GINM1: variants seen among roughly 807,000 people sequenced by gnomAD.
GINM1 encodes the protein glycosylated integral membrane protein 1.
Under a neutral mutation model 37.8 loss-of-function variants are expected in GINM1, and 29 were observed. That is an observed-to-expected ratio of 0.77 (90% confidence interval 0.57 to 1.05). The LOEUF (loss-of-function observed/expected upper bound fraction) is 1.05, where lower values mean the gene tolerates loss of function less well. GINM1 is among the 50% of genes least tolerant of loss of function. The pLI, the probability that GINM1 is intolerant of heterozygous loss-of-function variation, is 0.00. For synonymous variants in GINM1, 143 were observed against 146.2 expected (o/e 0.98, Z 0.16); for missense variants, 377 against 397.9 (o/e 0.95, Z 0.45).
intron 7 of GINM1, among the ~76,000 whole-genome samples, chr6:149,583,962 CGTTTT>C (rs1778035790): frequency 6.6e-6 from 1 of 151,632 alleles, no homozygotes; most frequent in African/African-American, 2.4e-5. Context: ...TTAAATCAGT[CGTTTT>C]ATTTTATTTT....
intron 1 of GINM1, 119 bp from the exon 2 acceptor site, chr6:149,572,166 C>T: frequency 1.9e-6 from 1 of 519,964 alleles, no homozygotes. Flanking sequence ...CTTTTAAACT[C>T]TCTTAATGCT....
chr6:149,589,265 T>G (rs972361377), intron 7 of GINM1, among the ~76,000 whole-genome samples: 1 of 151,502 alleles, frequency 6.6e-6, no homozygotes, highest in Non-Finnish European at 1.5e-5. Flanking sequence ...TTCTTAAAAT[T>G]TATTTATTTA....
chr6:149,566,590 C>A lies in GINM1; in HGVS notation c.120+56C>A, dbSNP rs1777721747. ...TACGACTCCGACTCTCCGGGAGGCCCGGGCTGTCCACAGTGACGCTTCCCA... is the reference window on the plus strand; with the variant it reads ...TACGACTCCGACTCTCCGGGAGGCCAGGGCTGTCCACAGTGACGCTTCCCA... On this transcript the variant is annotated intron_variant, in intron 1 of 7. Transcript: ENST00000367419. This position sits in a 1 kb window ranked among gnomAD's most constrained non-coding sequence, Gnocchi z 4.4. 3 of 1,426,446 alleles carry A rather than the reference C, an allele frequency of 2.1e-6. No homozygotes were observed. Among genetic ancestry groups the A allele is most frequent in the South Asian group, 2.8e-5 (2 of 71,018 alleles). 88.4% of individuals were successfully genotyped at this position (1,426,446 alleles called of 1,614,324 possible).
At chr6:149,584,235 G>A (rs1288653730) in intron 7 of GINM1, among the ~76,000 whole-genome samples, 1 of 151,978 alleles carries the variant, frequency 6.6e-6, no homozygotes, top group Non-Finnish European at 1.5e-5. Context: ...ATCACGTCTC[G>A]GCCTCCCAAA....
Position 149,591,743 on chromosome 6 carries a change from A to G in GINM1, c.*905A>G, listed in dbSNP as rs576735619. On this transcript the variant is annotated 3_prime_UTR_variant, in exon 8 of 8. Coordinates refer to ENST00000367419, the MANE Select transcript of GINM1 (RefSeq NM_138785.5). ...AAACTTTTTTTTTTTTTTTTTGAGG[A>G]AAAAAGTATAGCTGTTTTGGTTACA... 2.8e-3 allele frequency: 402 copies of G among 141,782 alleles called. No homozygotes were observed. The highest frequency in any genetic ancestry group is 9.8e-3 in the African/African-American group (373 of 38,028). The allele number at this position is 141,782 out of a possible 1,614,324, so 8.8% of individuals were successfully genotyped here. A position where few individuals can be genotyped will look rare whatever the true frequency, so the allele number is the denominator to read the frequency against.
chr6:149,587,352 T>G (rs1020188162), intron 7 of GINM1, among the ~76,000 whole-genome samples: 1 of 152,104 alleles, frequency 6.6e-6, no homozygotes, highest in Admixed American at 6.6e-5. Context: ...CAGCGTCAGA[T>G]CCCACAGGCT....
rs754322790 is a variant in GINM1 at position 149,580,660 on chromosome 6, A to G, written c.654A>G (p.Glu218=). Residue 218 remains glutamate, a synonymous_variant, in exon 6 of 8, where the codon GAA becomes GAG. Coordinates refer to ENST00000367419, the MANE Select transcript of GINM1 (RefSeq NM_138785.5). ...LIRNVETTVD[E]DVLPGKLPET... ...GGAATGTGGAAACCACTGTAGATGA[A>G]GATGTTTTACCTGGCAAGTTACCTG... 20 of 1,613,500 alleles carry G rather than the reference A, an allele frequency of 1.2e-5. No individual in the cohort carries two copies. Among genetic ancestry groups the G allele is most frequent in the African/African-American group, 2.7e-5 (2 of 74,912 alleles).
chr6:149,580,319 A>G (rs1274189335), intron 5 of GINM1, among the ~76,000 whole-genome samples: 2 of 152,248 alleles, frequency 1.3e-5, no homozygotes, highest in African/African-American at 2.4e-5. Context: ...AGGTTCATTC[A>G]GAGGAAGAAC....
intron 3 of GINM1, 50 bp downstream of exon 3, chr6:149,572,653 G>C (rs745949133): frequency 1.1e-6 from 1 of 951,708 alleles, no homozygotes. Flanking sequence ...TTGTGTGTTT[G>C]TTGTTGTTGT....
rs1352829276 is a variant in GINM1 at position 149,566,898 on chromosome 6, G to A, written c.120+364G>A. On this transcript the variant is annotated intron_variant, in intron 1 of 7. Transcript: ENST00000367419. This position sits in a 1 kb window ranked among gnomAD's most constrained non-coding sequence, Gnocchi z 4.4. ...TAGAGCCAGCGCTTGGGCAAGGAAT[G>A]TTTGTGTGCTCGGGAAGTGTGGAAG... is the stretch of plus-strand genomic sequence containing the variant. 6.6e-6 allele frequency among the ~76,000 whole-genome samples: 1 copy of A among 152,248 alleles called. No homozygotes were observed. The highest frequency in any genetic ancestry group is 1.5e-5 in the Non-Finnish European group (1 of 68,044).
chr6:149,572,398 T>C, intron 2 of GINM1, 54 bp downstream of exon 2: 2 of 1,347,422 alleles, frequency 1.5e-6, no homozygotes, highest in Non-Finnish European at 2.1e-6. Flanking sequence ...CTATGCAGCT[T>C]ATTTGATTTT....
At chr6:149,580,895 G>C in intron 6 of GINM1, 172 bp downstream of exon 6, 1 of 563,864 alleles carries the variant, frequency 1.8e-6, no homozygotes, top group African/African-American at 1.9e-5. Flanking sequence ...TTTCCTCTTC[G>C]AGCTTTGTTT....
intron 7 of GINM1, among the ~76,000 whole-genome samples, chr6:149,588,914 A>C (rs1306521967): frequency 6.6e-6 from 1 of 151,674 alleles, no homozygotes; most frequent in East Asian, 1.9e-4. Flanking sequence ...AGCAATTCTC[A>C]TGCCTCAGCC....
At chr6:149,588,759 C>T (rs1045661636) in intron 7 of GINM1, among the ~76,000 whole-genome samples, 1 of 152,086 alleles carries the variant, frequency 6.6e-6, no homozygotes, top group African/African-American at 2.4e-5. Flanking sequence ...TCCCAAGTAG[C>T]TGGGACTACA....
Position 149,576,791 on chromosome 6 carries a change from T to C in GINM1, c.278-2031T>C, listed in dbSNP as rs989707981. On this transcript the variant is annotated intron_variant, in intron 3 of 7. Coordinates refer to ENST00000367419, the MANE Select transcript of GINM1 (RefSeq NM_138785.5). ...ATGAAGGGCTTTGTTGTTTTTTATT[T>C]AATTTTATGCTGTATTAGAGGTACT... is the stretch of plus-strand genomic sequence containing the variant. Among the ~76,000 whole-genome samples, 3 of 152,316 alleles carry C rather than the reference T, an allele frequency of 2.0e-5. No homozygotes were observed. The South Asian group carries it at 6.2e-4, about 32-fold the overall frequency.
At position 149,578,893 on chromosome 6, in the gene GINM1, C is replaced by A; in HGVS notation, c.349C>A (p.His117Asn). The part of the protein sequence containing the change: ...FGIVSVRILV[H>N]EWPMTSGSSL... ...AATTGTCAGTGTAAGGATTTTAGTT[C>A]ATGAGTGGCCTATGACATCTGGTTC... The change falls in exon 4 of 8, where the codon CAT becomes AAT. Residue 117 changes from histidine (H) to asparagine (N), a missense_variant. Physicochemically the swap from His to Asn is moderately conservative, Grantham distance 68. Transcript: ENST00000367419. The A allele has an allele frequency of 6.2e-7, 1 of 1,600,158 alleles. No homozygotes were observed. Among genetic ancestry groups the A allele is most frequent in the Non-Finnish European group, 8.6e-7 (1 of 1,168,306 alleles).
chr6:149,582,398 G>T, intron 6 of GINM1, 42 bp from the exon 7 acceptor site: 1 of 1,528,616 alleles, frequency 6.5e-7, no homozygotes, highest in Non-Finnish European at 8.9e-7. Flanking sequence ...TATTCTTAGA[G>T]ATTGATGCAA....
At position 149,580,602 on chromosome 6, in the gene GINM1, G is replaced by T. The variant is rs781517162; in HGVS notation, c.596G>T (p.Ser199Ile). The change falls in exon 6 of 8, where the codon AGT becomes ATT. Residue 199 changes from serine (S) to isoleucine (I), a missense_variant. Coordinates refer to ENST00000367419, the MANE Select transcript of GINM1 (RefSeq NM_138785.5). ...TCTTTCTCCTGGGTAGAAAGTGTTAGTTCACTGCAAACCACTAGCCAGTAT... is the reference window on the plus strand; with the variant it reads ...TCTTTCTCCTGGGTAGAAAGTGTTATTTCACTGCAAACCACTAGCCAGTAT... ...LPNLSKKESV[S>I]SLQTTSQYLI... The T allele has an allele frequency of 3.1e-5, 50 of 1,612,066 alleles. No homozygotes were observed. Among genetic ancestry groups the T allele is most frequent in the Non-Finnish European group, 5.1e-6 (6 of 1,179,330 alleles).
rs537502574 is a variant in GINM1 at position 149,588,704 on chromosome 6, G to A, written c.882-2023G>A. Among the ~76,000 whole-genome samples, 16 of 151,900 alleles carry A rather than the reference G, an allele frequency of 1.1e-4. No individual in the cohort carries two copies. The East Asian group carries it at 3.1e-3, about 30-fold the overall frequency. On this transcript the variant is annotated intron_variant, in intron 7 of 7. Coordinates refer to ENST00000367419, the MANE Select transcript of GINM1 (RefSeq NM_138785.5). ...AGTGGCAGTGCTATCAAGGCCCACT[G>A]CAGCCTTGACCCTCCTGGGTTCAAG...
Sources: allele counts gnomAD v4.1 joint callset (sites outside exome capture counted in the v4.1 genomes callset), GRCh38; gene constraint gnomAD v4.1.1; non-coding constraint Gnocchi (gnomAD v3.1); transcripts MANE v1.5; gene names NCBI Gene and HGNC (gene_info 2026-07-23, HGNC 2026-07-21).